Variants in MACROD2 observed in about 807,000 individuals in gnomAD.
MACROD2 encodes the protein ADP-ribose glycohydrolase MACROD2.
MACROD2 carries 36 observed loss-of-function variants against 70.4 expected under a neutral mutation model. That is an observed-to-expected ratio of 0.51 (90% confidence interval 0.39 to 0.68). The LOEUF (loss-of-function observed/expected upper bound fraction) is 0.68. MACROD2 is among the 30% of genes least tolerant of loss of function. The pLI is 0.00. For synonymous variants in MACROD2, 172 were observed against 178.8 expected (o/e 0.96, Z 0.30); for missense variants, 496 against 538.4 (o/e 0.92, Z 0.78).
In MACROD2 at chr20:14,548,488, G is replaced by C. The variant is rs1159730866; in HGVS notation, c.301+54980G>C. ...AATCCCAGCACTTTGGGAGGCTGAG[G>C]CGGGCGGATCACGAGGTCAGGAGAT... On this transcript the variant is annotated intron_variant, in intron 4 of 17. Coordinates refer to ENST00000684519, the MANE Select transcript of MACROD2 (RefSeq NM_001351661.2). Among the ~76,000 whole-genome samples the C allele has an allele frequency of 1.3e-4, 2 of 14,942 alleles. 1 individual carries two copies. Among genetic ancestry groups the C allele is most frequent in the African/African-American group, 2.7e-4 (2 of 7,292 alleles). 9.8% of individuals were successfully genotyped at this position (14,942 alleles called of 152,430 possible). A position where few individuals can be genotyped will look rare whatever the true frequency, so the allele number is the denominator to read the frequency against.
intron 15 of MACROD2, among the ~76,000 whole-genome samples, chr20:15,997,780 A>G (rs1025408705): frequency 3.3e-5 from 5 of 152,140 alleles, no homozygotes; most frequent in African/African-American, 1.2e-4. Context: ...ACCTTAGAGG[A>G]AAAGCCTTCA....
In MACROD2 at chr20:14,377,395, G is replaced by C. The variant is rs541030734; in HGVS notation, c.272-116084G>C. 3.3e-5 allele frequency among the ~76,000 whole-genome samples: 5 copies of C among 152,300 alleles called. No individual in the cohort carries two copies. The East Asian group carries it at 9.7e-4, about 29-fold the overall frequency. On this transcript the variant is annotated intron_variant, in intron 3 of 17. Coordinates refer to ENST00000684519, the MANE Select transcript of MACROD2 (RefSeq NM_001351661.2). ...TCACTCCTGTGTTATTGAATACTTA[G>C]AGTGACAATATCCATGAAGATTTTT... is the stretch of plus-strand genomic sequence containing the variant.
At chr20:14,516,681 A>G (rs1160770941) in intron 4 of MACROD2, among the ~76,000 whole-genome samples, 1 of 152,100 alleles carries the variant, frequency 6.6e-6, no homozygotes, top group Non-Finnish European at 1.5e-5. Flanking sequence ...TGGTACCAGT[A>G]CCATGCTGTT....
At chr20:14,738,087 G>GTTTTTTTTTT (rs11474629) in intron 5 of MACROD2, among the ~76,000 whole-genome samples, 1 of 148,314 alleles carries the variant, frequency 6.7e-6, no homozygotes. Context: ...TCTATCAAGT[G>GTTTTTTTTTT]TTTTTTTTTT....
intron 8 of MACROD2, among the ~76,000 whole-genome samples, chr20:15,627,456 C>A (rs2049221722): frequency 6.6e-6 from 1 of 152,074 alleles, no homozygotes; most frequent in Admixed American, 6.6e-5. Context: ...CTACTCATAT[C>A]AATCTCCTGG....
At chr20:14,390,841 A>T (rs1267689061) in intron 3 of MACROD2, among the ~76,000 whole-genome samples, 2 of 152,246 alleles carry the variant, frequency 1.3e-5, no homozygotes, top group Non-Finnish European at 2.9e-5. Context: ...TCAAAAGAAG[A>T]CATACATGCA....
chr20:14,529,701 A>G (rs751287857), intron 4 of MACROD2, among the ~76,000 whole-genome samples: 1 of 150,906 alleles, frequency 6.6e-6, no homozygotes, highest in East Asian at 1.9e-4. Context: ...TAGTCATTCA[A>G]TGTTTGAATG....
At chr20:14,106,877 TG>T (rs2054376771) in intron 3 of MACROD2, among the ~76,000 whole-genome samples, 1 of 152,186 alleles carries the variant, frequency 6.6e-6, no homozygotes, top group South Asian at 2.1e-4. Flanking sequence ...TTTTTGGGCT[TG>T]GGGCCTAAGT....
rs780057277 is a variant in MACROD2, at chr20:14,002,272, G to A, written c.47-16G>A. On this transcript the variant is annotated splice_polypyrimidine_tract_variant and intron_variant, in intron 1 of 17. Transcript: ENST00000684519. ...AACGTTAAATACAAATGGAGATTCT[G>A]CTTTTATTTTGCAAGAACGTTTATT... 8.8e-6 allele frequency: 13 copies of A among 1,482,356 alleles called. No homozygotes were observed. In the Admixed American group the frequency reaches 2.2e-4, roughly 25 times the overall value. 91.8% of individuals were successfully genotyped at this position (1,482,356 alleles called of 1,614,324 possible).
chr20:15,335,991 A>G (rs984800445), intron 6 of MACROD2, among the ~76,000 whole-genome samples: 1 of 151,530 alleles, frequency 6.6e-6, no homozygotes, highest in African/African-American at 2.4e-5. Context: ...TTCACTTAGG[A>G]TGTCTTCTTT....
chr20:15,158,170 A>G (rs577074385), intron 5 of MACROD2, among the ~76,000 whole-genome samples: 1 of 152,286 alleles, frequency 6.6e-6, no homozygotes, highest in East Asian at 1.9e-4. Context: ...CTTTGTGGAA[A>G]TGGCTTCAAA....
chr20:14,650,713 A>AT (rs781171774), intron 4 of MACROD2, among the ~76,000 whole-genome samples: 2 of 152,150 alleles, frequency 1.3e-5, no homozygotes, highest in Admixed American at 1.3e-4. Context: ...AAATGATTAG[A>AT]TTTTTTGAGG....
At chr20:14,945,147 C>T (rs960397884) in intron 5 of MACROD2, among the ~76,000 whole-genome samples, 8 of 151,188 alleles carry the variant, frequency 5.3e-5, no homozygotes, top group Non-Finnish European at 8.8e-5. Context: ...GACTGAGTCT[C>T]GCTCTACTGC....
At chr20:15,833,551 T>A (rs1388922059) in intron 8 of MACROD2, among the ~76,000 whole-genome samples, 3 of 152,146 alleles carry the variant, frequency 2.0e-5, no homozygotes, top group Admixed American at 6.5e-5. Flanking sequence ...GTTCCTAATA[T>A]GAAGGATTGA....
At chr20:14,591,311 CA>C (rs531927939) in intron 4 of MACROD2, among the ~76,000 whole-genome samples, 5 of 152,270 alleles carry the variant, frequency 3.3e-5, no homozygotes, top group Admixed American at 3.3e-4. Context: ...AGGCTGTTAA[CA>C]TAATTATTTG....
chr20:15,617,855 C>T (rs572175908), intron 8 of MACROD2, among the ~76,000 whole-genome samples: 25 of 152,140 alleles, frequency 1.6e-4, no homozygotes, highest in Admixed American at 1.3e-3. Flanking sequence ...GGAAGGCTTT[C>T]TGGAAATAAT....
At chr20:15,434,923 G>C (rs149529665) in intron 7 of MACROD2, among the ~76,000 whole-genome samples, 1 of 152,264 alleles carries the variant, frequency 6.6e-6, no homozygotes, top group South Asian at 2.1e-4. Flanking sequence ...CTTTAGAAAT[G>C]GGAAGTCAAG....
chr20:15,585,209 T>TC (rs2048581387), intron 8 of MACROD2, among the ~76,000 whole-genome samples: 1 of 151,248 alleles, frequency 6.6e-6, no homozygotes, highest in Non-Finnish European at 1.5e-5. Context: ...TTTCTTTTTT[T>TC]TTTTTTTAGA....
intron 8 of MACROD2, among the ~76,000 whole-genome samples, chr20:15,732,472 G>A (rs1381539920): frequency 1.3e-5 from 2 of 152,132 alleles, no homozygotes; most frequent in Non-Finnish European, 2.9e-5. Context: ...TCTATTCCTA[G>A]TTTAATGAAG....
Sources: allele counts gnomAD v4.1 joint callset (sites outside exome capture counted in the v4.1 genomes callset), GRCh38; gene constraint gnomAD v4.1.1; transcripts MANE v1.5; gene names NCBI Gene and HGNC (gene_info 2026-07-23, HGNC 2026-07-21).